NTM: variants seen among roughly 807,000 people sequenced by gnomAD.
The protein encoded by NTM is IgLON family member 2.
In NTM, 13 loss-of-function variants were observed where a neutral mutation model predicts 42.1. The ratio of observed to expected loss-of-function variants is 0.31; its 90% confidence interval spans 0.20 to 0.49. NTM has a LOEUF of 0.49. Among genes scored for constraint, NTM ranks in the 20% least tolerant of loss-of-function variants. NTM has a pLI of 0.99. For synonymous variants in NTM, 187 were observed against 179.2 expected (o/e 1.04, Z -0.35); for missense variants, 373 against 452.8 (o/e 0.82, Z 1.60).
chr11:132,191,466 C>A lies in NTM; in HGVS notation c.401-20556C>A, dbSNP rs563634374. Among the ~76,000 whole-genome samples, 61 of 152,312 alleles carry A rather than the reference C, an allele frequency of 4.0e-4. 1 individual carries two copies. Among genetic ancestry groups the A allele is most frequent in the African/African-American group, 1.3e-3 (53 of 41,564 alleles). On this transcript the variant is annotated intron_variant, in intron 3 of 8. Coordinates refer to ENST00000683400, the MANE Select transcript of NTM (RefSeq NM_001352005.2). ...CTGGAAATGAAGCCATTTGACTATACCCAGCTTGCATCGCAGTCAAGCCCT... is the reference window on the plus strand; with the variant it reads ...CTGGAAATGAAGCCATTTGACTATAACCAGCTTGCATCGCAGTCAAGCCCT...
chr11:131,394,561 T>A (rs1181763533), intron 1 of NTM, among the ~76,000 whole-genome samples: 1 of 152,180 alleles, frequency 6.6e-6, no homozygotes, highest in African/African-American at 2.4e-5. Flanking sequence ...TGGATTCTTA[T>A]CTGAACGAAC....
At chr11:131,504,391 GA>G (rs1171320420) in intron 1 of NTM, among the ~76,000 whole-genome samples, 1 of 152,182 alleles carries the variant, frequency 6.6e-6, no homozygotes, top group African/African-American at 2.4e-5. Context: ...CCATAAATCA[GA>G]TAGGACCGCA....
At position 132,330,194 on chromosome 11, in the gene NTM, ATT is replaced by A; in HGVS notation, c.967+13_967+14del. ...CCTGACCCCTTGGAAAGGTTTGTATATTTTTCAGACAGCTGCTGCCTTGGTGG... is the reference window on the plus strand; with the variant it reads ...CCTGACCCCTTGGAAAGGTTTGTATATTTCAGACAGCTGCTGCCTTGGTGG... On this transcript the variant is annotated intron_variant, in intron 8 of 8. Coordinates refer to ENST00000683400, the MANE Select transcript of NTM (RefSeq NM_001352005.2). The A allele has an allele frequency of 6.4e-7, 1 of 1,551,304 alleles. No individual in the cohort carries two copies.
intron 1 of NTM, among the ~76,000 whole-genome samples, chr11:131,750,728 C>T (rs949679452): frequency 2.6e-5 from 4 of 152,226 alleles, no homozygotes; most frequent in Non-Finnish European, 4.4e-5. Context: ...TCATCTCAGT[C>T]ACTCTCATTG....
At chr11:132,039,366 T>G (rs2076900484) in intron 2 of NTM, among the ~76,000 whole-genome samples, 1 of 151,992 alleles carries the variant, frequency 6.6e-6, no homozygotes, top group African/African-American at 2.4e-5. Context: ...TGTTCATTAA[T>G]GTTTGTCAAA....
At chr11:131,513,416 C>T (rs73572378) in intron 1 of NTM, among the ~76,000 whole-genome samples, 3,930 of 151,992 alleles carry the variant, frequency 0.026, 191 homozygotes, top group African/African-American at 0.09. Flanking sequence ...CCAGCTAGAC[C>T]GGAAATACTG....
At chr11:131,692,500 T>C (rs543613270) in intron 1 of NTM, among the ~76,000 whole-genome samples, 11 of 152,358 alleles carry the variant, frequency 7.2e-5, no homozygotes, top group African/African-American at 2.6e-4. Flanking sequence ...CCCAGGCAGA[T>C]CTCTGAATAA....
At chr11:131,541,325 T>C (rs1032616235) in intron 1 of NTM, among the ~76,000 whole-genome samples, 1 of 152,160 alleles carries the variant, frequency 6.6e-6, no homozygotes, top group African/African-American at 2.4e-5. Flanking sequence ...CCAAAGACTA[T>C]TTGGAGGTCC....
chr11:131,925,882 G>A (rs943274359), intron 2 of NTM, among the ~76,000 whole-genome samples: 2 of 152,174 alleles, frequency 1.3e-5, no homozygotes, highest in Non-Finnish European at 2.9e-5. Context: ...TAATTCAGGG[G>A]TCAGGGATCT....
At chr11:131,717,925 T>A (rs999935565) in intron 1 of NTM, among the ~76,000 whole-genome samples, 2 of 152,216 alleles carry the variant, frequency 1.3e-5, no homozygotes, top group Non-Finnish European at 2.9e-5. Context: ...TAGGAACAGA[T>A]GTTACAGTTT....
At chr11:132,301,541 C>A (rs552104260) in intron 4 of NTM, among the ~76,000 whole-genome samples, 1 of 152,302 alleles carries the variant, frequency 6.6e-6, no homozygotes, top group Admixed American at 6.5e-5. Flanking sequence ...TCTTATCTCC[C>A]AGCATCTGAG....
chr11:131,942,651 T>C (rs1015620043), intron 2 of NTM, among the ~76,000 whole-genome samples: 10 of 152,238 alleles, frequency 6.6e-5, no homozygotes, highest in South Asian at 2.1e-4. Context: ...TCTTCAAGAA[T>C]GCATAGAGTT....
intron 4 of NTM, among the ~76,000 whole-genome samples, chr11:132,229,622 A>G (rs889682171): frequency 6.6e-6 from 1 of 152,220 alleles, no homozygotes; most frequent in African/African-American, 2.4e-5. Flanking sequence ...AGAGTTCATA[A>G]TTCCCCAAGG....
At chr11:132,239,583 A>G (rs1018541453) in intron 4 of NTM, among the ~76,000 whole-genome samples, 2 of 152,168 alleles carry the variant, frequency 1.3e-5, no homozygotes, top group African/African-American at 4.8e-5. Context: ...TTGTGATTTA[A>G]TATGTAATCT....
chr11:131,900,827 C>A (rs78212147), intron 1 of NTM, among the ~76,000 whole-genome samples: 3,731 of 152,256 alleles, frequency 0.025, 128 homozygotes, highest in African/African-American at 0.078. Context: ...TTTTATGGAA[C>A]AATTTTGAGT....
chr11:132,150,537 G>A (rs2071658739), intron 3 of NTM, among the ~76,000 whole-genome samples: 3 of 152,326 alleles, frequency 2.0e-5, no homozygotes, highest in Admixed American at 2.0e-4. Flanking sequence ...TTGTGGAAAG[G>A]AGAGTGGAAT....
chr11:132,230,937 AG>A (rs1232063519), intron 4 of NTM, among the ~76,000 whole-genome samples: 1 of 152,206 alleles, frequency 6.6e-6, no homozygotes. Context: ...ACTTGAGGCC[AG>A]GGGGTCGAGG....
At chr11:132,132,194 C>T (rs929450877) in intron 2 of NTM, among the ~76,000 whole-genome samples, 4 of 152,154 alleles carry the variant, frequency 2.6e-5, no homozygotes, top group Non-Finnish European at 5.9e-5. Flanking sequence ...CGTCAGGATC[C>T]TGCCTGCTCC....
intron 1 of NTM, among the ~76,000 whole-genome samples, chr11:131,895,114 C>T (rs759889571): frequency 3.9e-5 from 6 of 152,174 alleles, no homozygotes; most frequent in Admixed American, 6.5e-5. Flanking sequence ...CAGCTCTATT[C>T]GGTGATTAGG....
Sources: allele counts gnomAD v4.1 joint callset (sites outside exome capture counted in the v4.1 genomes callset), GRCh38; gene constraint gnomAD v4.1.1; transcripts MANE v1.5; gene names NCBI Gene and HGNC (gene_info 2026-07-23, HGNC 2026-07-21).